The following MZT2A variants were observed in gnomAD, a reference collection of about 807,000 sequenced individuals.
The protein encoded by MZT2A is mitotic-spindle organizing protein 2A.
A neutral mutation model predicts 12.4 loss-of-function variants in MZT2A; 8 were observed. The ratio of observed to expected loss-of-function variants is 0.64; its 90% CI spans 0.38 to 1.16. MZT2A has a LOEUF of 1.16. Among genes scored for constraint, MZT2A ranks in the 50% most tolerant of loss-of-function variants. The pLI is 0.01. For missense variants in MZT2A, 181 were observed against 223.6 expected, an observed-to-expected ratio of 0.81 and a Z score of 1.22; for synonymous variants, 88 against 107.5, an observed-to-expected ratio of 0.82 and a Z score of 1.12.
chr2:131,489,980 C>T (rs1679223191), intron 2 of MZT2A: 2 of 976,346 alleles, frequency 2.0e-6, no homozygotes, highest in South Asian at 4.7e-5. Flanking sequence ...CAGTTTCTCC[C>T]TCCTGCTGGA....
chr2:131,485,392 C>T lies in MZT2A; in HGVS notation c.320-1174G>A, dbSNP rs533001151. ...GAAAGATCTGACGTGTTGCTAAGCA[C>T]GTGGAAACTGGTCCCACCCCAGCCA... On this transcript the variant is annotated intron_variant, in intron 2 of 2. Coordinates refer to ENST00000309451, the MANE Select transcript of MZT2A (RefSeq NM_001085365.2). 1.2e-4 allele frequency among the ~76,000 whole-genome samples: 18 copies of T among 152,312 alleles called. No individual in the cohort carries two copies. The East Asian group carries it at 1.7e-3, about 15-fold the overall frequency.
At chr2:131,475,249 G>A (rs1236573647) in intron 2 of MZT2A, among the ~76,000 whole-genome samples, 1 of 150,676 alleles carries the variant, frequency 6.6e-6, no homozygotes, top group Non-Finnish European at 1.5e-5. Flanking sequence ...CCAAAGCATT[G>A]GAATTACAGG....
In MZT2A at chr2:131,478,479, A is replaced by C. The variant is rs184816274; in HGVS notation, c.279-6297T>G. ...GGGCTCCTTTGAATCCTCCTGCTGA[A>C]AGGATGGGATAGACAGGCATATGCC... On this transcript the variant is annotated intron_variant and NMD_transcript_variant, in intron 2 of 4. Coordinates refer to the MZT2A transcript ENST00000427024. 3.4e-3 allele frequency: 4,599 copies of C among 1,355,778 alleles called. 133 individuals are homozygous for C. In the African/African-American group the frequency reaches 0.059, roughly 17 times the overall value. The allele number at this position is 1,355,778 out of a possible 1,614,324, so 84.0% of individuals were successfully genotyped here. A position where few individuals can be genotyped will look rare whatever the true frequency, so the allele number is the denominator to read the frequency against.
chr2:131,481,468 C>T (rs1278355370), downstream of MZT2A, among the ~76,000 whole-genome samples: 2 of 143,794 alleles, frequency 1.4e-5, no homozygotes, highest in East Asian at 2.0e-4. Context: ...CAGAGTCTTG[C>T]TCTGTCGCCC....
At chr2:131,487,952 A>C (rs1319515562) in intron 2 of MZT2A, among the ~76,000 whole-genome samples, 1 of 152,182 alleles carries the variant, frequency 6.6e-6, no homozygotes, top group Non-Finnish European at 1.5e-5. Flanking sequence ...TGTTTTGTAG[A>C]GATTGGGTCT....
chr2:131,474,174 T>C (rs1678565147), intron 2 of MZT2A, among the ~76,000 whole-genome samples: 1 of 151,378 alleles, frequency 6.6e-6, no homozygotes, highest in Non-Finnish European at 1.5e-5. Context: ...CTCGGCTCAC[T>C]GCAAGCTCCA....
At chr2:131,493,080 T>C (rs1172318431), upstream of MZT2A, 6 of 1,495,922 alleles carry the variant, frequency 4.0e-6, no homozygotes, top group Non-Finnish European at 5.4e-6. Flanking sequence ...GACGACGTTT[T>C]GGCGCGGTGG....
intron 2 of MZT2A, chr2:131,478,166 C>T (rs778904212): frequency 6.8e-6 from 11 of 1,612,472 alleles, no homozygotes; most frequent in African/African-American, 1.3e-5. Flanking sequence ...GTTCACAGCG[C>T]GAGTGTATCT....
At chr2:131,491,596 G>A (rs6752803) in intron 2 of MZT2A, 135,895 of 562,274 alleles carry the variant, frequency 0.24, 23,679 homozygotes, top group East Asian at 0.77. Context: ...TAGGATGAAG[G>A]CCTGAGTGAA....
downstream of MZT2A, chr2:131,482,474 T>C (rs3900678): frequency 0.1 from 154,909 of 1,532,480 alleles, 12,386 homozygotes; most frequent in African/African-American, 0.43. Flanking sequence ...CAGGGTGTCT[T>C]CTGTTTGAGG....
chr2:131,479,330 C>T (rs749604025), downstream of MZT2A: 14 of 1,613,978 alleles, frequency 8.7e-6, no homozygotes, highest in Middle Eastern at 1.6e-4. Flanking sequence ...CAGGGACCTA[C>T]AGGCAGCTCT....
intron 2 of MZT2A, chr2:131,476,081 C>G: frequency 6.5e-7 from 1 of 1,535,012 alleles, no homozygotes; most frequent in Non-Finnish European, 8.8e-7. Context: ...GGCGGCCTGG[C>G]ACCGGCGGGC....
downstream of MZT2A, among the ~76,000 whole-genome samples, chr2:131,483,589 A>AC (rs60249823): frequency 0.17 from 25,902 of 151,960 alleles, 4,046 homozygotes; most frequent in African/African-American, 0.42. Context: ...GGTGGTGGGC[A>AC]CTGTAGGCCC....
chr2:131,493,212 A>G, upstream of MZT2A: 1 of 1,372,854 alleles, frequency 7.3e-7, no homozygotes. Flanking sequence ...TGCGGAGGCC[A>G]TCTCCGTTCC....
intron 2 of MZT2A, chr2:131,490,767 G>T: frequency 1.3e-6 from 2 of 1,549,420 alleles, no homozygotes; most frequent in Non-Finnish European, 1.7e-6. Flanking sequence ...GGGGGGCCTG[G>T]AGAGAGAGGT....
In MZT2A at chr2:131,484,205, G is replaced by A. The variant is rs767688022; in HGVS notation, c.333C>T (p.Gly111=). ...CCAATACTCCCCCGAGGGCAGCGCT[G>A]CCTTTGTCTCTCCCTAAGGAGACAC... is the stretch of plus-strand genomic sequence containing the variant. ...SVPETRGRDK[G]SAALGGVLAL... is the part of the protein sequence containing the mutation. The change falls in exon 3 of 3, where the codon GGC becomes GGT. Residue 111 remains glycine, a synonymous_variant. Transcript: ENST00000309451. 6.2e-7 allele frequency: 1 copy of A among 1,613,848 alleles called. No individual in the cohort carries two copies. Among genetic ancestry groups the A allele is most frequent in the Non-Finnish European group, 8.5e-7 (1 of 1,179,876 alleles).
intron 2 of MZT2A, among the ~76,000 whole-genome samples, chr2:131,487,799 C>T (rs1320564475): frequency 1.3e-5 from 2 of 152,234 alleles, no homozygotes; most frequent in Non-Finnish European, 2.9e-5. Flanking sequence ...CAGGGTCTCA[C>T]TCTCTCACCC....
chr2:131,484,056 C>A lies in MZT2A; in HGVS notation c.*5G>T. The A allele has an allele frequency of 6.2e-7, 1 of 1,600,338 alleles. No individual in the cohort carries two copies. The highest frequency in any genetic ancestry group is 8.5e-7 in the Non-Finnish European group (1 of 1,170,164). ...GACAAAGATGTGACAAGTCTCTGCCCCATCCTAGGTGCTGCCCTGCGTAGG... is the reference window on the plus strand; with the variant it reads ...GACAAAGATGTGACAAGTCTCTGCCACATCCTAGGTGCTGCCCTGCGTAGG... On this transcript the variant is annotated 3_prime_UTR_variant, in exon 3 of 3. Coordinates refer to ENST00000309451, the MANE Select transcript of MZT2A (RefSeq NM_001085365.2).
downstream of MZT2A, chr2:131,480,682 C>T (rs768185655): frequency 1.7e-5 from 28 of 1,613,672 alleles, no homozygotes; most frequent in Middle Eastern, 1.6e-4. Context: ...GACGTCAACG[C>T]GGCCATCGCC....
Sources: gnomAD v4.1 joint callset for allele counts (sites outside exome capture counted in the v4.1 genomes callset) on GRCh38, gnomAD v4.1.1 for gene constraint, MANE v1.5 for transcripts, NCBI Gene and HGNC (gene_info 2026-07-23, HGNC 2026-07-21) for gene names.